The following NCOR2 variants were observed in gnomAD, a reference collection of about 807,000 sequenced individuals.
NCOR2 encodes the protein nuclear receptor corepressor 2.
A neutral mutation model predicts 262.9 loss-of-function variants in NCOR2; 81 were observed. The ratio of observed to expected loss-of-function variants is 0.31; its 90% confidence interval spans 0.26 to 0.37. The LOEUF is 0.37. Among genes scored for constraint, NCOR2 ranks in the 10% least tolerant of loss-of-function variants. The pLI is 1.00. For synonymous variants in NCOR2, 1,659 were observed against 1,559.3 expected, an observed-to-expected ratio of 1.06 and a Z score of -1.51; for missense variants, 3,385 against 3,621.4, an observed-to-expected ratio of 0.93 and a Z score of 1.68.
chr12:124,449,757 A>C, intron 7 of NCOR2, 58 bp downstream of exon 9: 1 of 1,577,274 alleles, frequency 6.3e-7, no homozygotes. Context: ...CAGGCTGCTG[A>C]GAGCCTGCTC....
exon 11 of NCOR2, chr12:124,426,795 C>T: frequency 3.8e-6 from 6 of 1,575,328 alleles, no homozygotes; most frequent in Non-Finnish European, 5.2e-6. Context: ...TCTGCTTCTC[C>T]AGGTTCTGCA....
intron 16 of NCOR2, among the ~76,000 whole-genome samples, chr12:124,386,236 C>G (rs776114757): frequency 6.6e-6 from 1 of 152,242 alleles, no homozygotes; most frequent in South Asian, 2.1e-4. Context: ...ATATCCAGAA[C>G]GCACAGCCTC....
At chr12:124,372,526 T>G (rs753708090) in exon 20 of NCOR2, 2 of 1,595,026 alleles carry the variant, frequency 1.3e-6, no homozygotes, top group Non-Finnish European at 1.7e-6. Flanking sequence ...GGCTGGGGGC[T>G]TGGGCCCATT....
chr12:124,480,990 C>T (rs1315724854), intron 3 of NCOR2, among the ~76,000 whole-genome samples: 1 of 151,200 alleles, frequency 6.6e-6, no homozygotes, highest in East Asian at 1.9e-4. Context: ...GACAGATGGC[C>T]GCAGGCAGAT....
At chr12:124,441,494 AG>A (rs2044802357) in intron 7 of NCOR2, among the ~76,000 whole-genome samples, 1 of 152,242 alleles carries the variant, frequency 6.6e-6, no homozygotes, top group African/African-American at 2.4e-5. Context: ...TAAATGTCCA[AG>A]AGAGGAGGGA....
At position 124,503,619 on chromosome 12, in the gene NCOR2, G is replaced by GATGGATGGATGGATGGGCGA. The variant is rs1027266928; in HGVS notation, c.-117-8271_-117-8252dup. ...GGATGGATGGACGGACGGACGGATG[G>GATGGATGGATGGATGGGCGA]ATGGATGGATGGATGGGCGAATGGA... On this transcript the variant is annotated intron_variant, in intron 1 of 46. Coordinates refer to the NCOR2 transcript ENST00000404621. This position sits in a 1 kb window ranked among gnomAD's most constrained non-coding sequence, Gnocchi z 4.3. Among the ~76,000 whole-genome samples the GATGGATGGATGGATGGGCGA allele has an allele frequency of 2.8e-5, 4 of 144,454 alleles. No homozygotes were observed. The highest frequency in any genetic ancestry group is 6.2e-5 in the Non-Finnish European group (4 of 64,296). 94.8% of individuals were successfully genotyped at this position (144,454 alleles called of 152,430 possible). A position where few individuals can be genotyped will look rare whatever the true frequency, so the allele number is the denominator to read the frequency against.
In NCOR2 at chr12:124,332,012, G is replaced by A. The variant is rs80037222; in HGVS notation, c.6904+307C>T. On this transcript the variant is annotated intron_variant, in intron 43 of 46. Transcript: ENST00000405201. ...CAGGTGCTGAGTGTGGGAGGCGCCCGGCCCTTGTGTGGGAGGGATCCAACC... is the reference window on the plus strand; with the variant it reads ...CAGGTGCTGAGTGTGGGAGGCGCCCAGCCCTTGTGTGGGAGGGATCCAACC... 67 of 366,222 alleles carry A rather than the reference G, an allele frequency of 1.8e-4. No individual in the cohort carries two copies. In the East Asian group the frequency reaches 3.3e-3, roughly 18 times the overall value. The allele number at this position is 366,222 out of a possible 1,614,324, so 22.7% of individuals were successfully genotyped here.
Position 124,411,668 on chromosome 12 carries a change from C to T in NCOR2, c.1482+8289G>A, listed in dbSNP as rs936287420. Among the ~76,000 whole-genome samples, 28 of 152,380 alleles carry T rather than the reference C, an allele frequency of 1.8e-4. No individual in the cohort carries two copies. The East Asian group carries it at 4.8e-3, about 26-fold the overall frequency. On this transcript the variant is annotated intron_variant, in intron 13 of 46. Transcript: ENST00000405201. ...GGTTTTGCAATTCACTAGGATAACG[C>T]GGCCCTTCCATCAATGAATCATGGA... is the stretch of plus-strand genomic sequence containing the variant.
chr12:124,357,916 T>C (rs1244078), intron 22 of NCOR2, among the ~76,000 whole-genome samples: 145,260 of 148,146 alleles, frequency 0.98, 71,231 homozygotes, highest in Non-Finnish European at 1. Flanking sequence ...TGTGTGTGCG[T>C]GCGCACGTGC....
chr12:124,479,281 T>G (rs1480218863), intron 3 of NCOR2, among the ~76,000 whole-genome samples: 3 of 140,894 alleles, frequency 2.1e-5, no homozygotes, highest in African/African-American at 8.0e-5. Context: ...CACATGCATA[T>G]ACACACATGC....
chr12:124,326,069 C>T lies in NCOR2; in HGVS notation c.7363+122G>A, dbSNP rs984560011. On this transcript the variant is annotated intron_variant, in intron 46 of 46. Transcript: ENST00000405201. ...CCCAGGCCCCTGGACAGCGTTTCCA[C>T]AGAACAGGCCCGAGTCTGAGCTCTG... The T allele has an allele frequency of 1.0e-5, 12 of 1,146,112 alleles. No individual in the cohort carries two copies. In the African/African-American group the frequency reaches 1.6e-4, roughly 16 times the overall value. The allele number at this position is 1,146,112 out of a possible 1,614,324, so 71.0% of individuals were successfully genotyped here. A position where few individuals can be genotyped will look rare whatever the true frequency, so the allele number is the denominator to read the frequency against.
In NCOR2 at chr12:124,566,225, AG is replaced by A. The variant is rs1324288566; in HGVS notation, c.-165+1082del. Among the ~76,000 whole-genome samples the A allele has an allele frequency of 6.6e-6, 1 of 152,116 alleles. No homozygotes were observed. Among genetic ancestry groups the A allele is most frequent in the Non-Finnish European group, 1.5e-5 (1 of 68,014 alleles). ...GTTCTCACCAACGGGGGAGAGGAGG[AG>A]GGGGAGGAAGGGAGGAGGCTGAGCC... On this transcript the variant is annotated intron_variant, in intron 1 of 32. Transcript: ENST00000458234. The surrounding 1 kb of genome is among the most constrained non-coding windows in gnomAD (Gnocchi z 4.3).
At position 124,523,334 on chromosome 12, in the gene NCOR2, G is replaced by A. The variant is rs1423642236; in HGVS notation, c.-118+12231C>T. Among the ~76,000 whole-genome samples the A allele has an allele frequency of 6.6e-6, 1 of 152,202 alleles. No individual in the cohort carries two copies. The highest frequency in any genetic ancestry group is 1.5e-5 in the Non-Finnish European group (1 of 68,036). The stretch of plus-strand genomic sequence containing the variant: ...AAGGACGGCTGGGGGCAGGGGGCAG[G>A]TGGCTGCCTGTTCTGGGGCTCCTGG... On this transcript the variant is annotated intron_variant, in intron 1 of 46. Transcript: ENST00000404621. This position sits in a 1 kb window ranked among gnomAD's most constrained non-coding sequence, Gnocchi z 4.0.
rs1279067716 is a variant in NCOR2, at chr12:124,340,498, T to C, written c.5339-55A>G. On this transcript the variant is annotated intron_variant, in intron 35 of 46. Transcript: ENST00000405201. The stretch of plus-strand genomic sequence containing the variant: ...CCCAGGGCCGAAGAAGAGCCTGGCT[T>C]TGTCTTCTGGGGTGGGAAAGAGAGC... 4 of 1,589,542 alleles carry C rather than the reference T, an allele frequency of 2.5e-6. No homozygotes were observed. In the East Asian group the frequency reaches 9.0e-5, roughly 36 times the overall value.
At chr12:124,495,410 G>A, upstream of NCOR2, 2 of 1,392,450 alleles carry the variant, frequency 1.4e-6, no homozygotes, top group Non-Finnish European at 1.9e-6. This position sits in a 1 kb window ranked among gnomAD's most constrained non-coding sequence, Gnocchi z 4.4. Flanking sequence ...CAGCCACGGG[G>A]CAGCTGGCTC....
rs189889826 is a variant in NCOR2, at chr12:124,462,542, C to T, written c.705+3631G>A. Among the ~76,000 whole-genome samples, 543 of 152,336 alleles carry T rather than the reference C, an allele frequency of 3.6e-3. 2 individuals carry two copies. The highest frequency in any genetic ancestry group is 9.1e-3 in the Admixed American group (139 of 15,306). On this transcript the variant is annotated intron_variant, in intron 5 of 46. Coordinates refer to ENST00000405201, the Ensembl canonical transcript of NCOR2. ...TCAGAGGACGCGTGCAGCAGCCTCG[C>T]GGGGCTGAAACGGACAATCTGAAAG...
At position 124,389,572 on chromosome 12, in the gene NCOR2, C is replaced by A. The variant is rs990130564; in HGVS notation, c.1877-3685G>T. On this transcript the variant is annotated intron_variant, in intron 16 of 46. Coordinates refer to ENST00000405201, the Ensembl canonical transcript of NCOR2. This position sits in a 1 kb window ranked among gnomAD's most constrained non-coding sequence, Gnocchi z 4.4. ...CCATCATCCCCCGCCGCCCGTCCCC[C>A]CACCCTCCGTGTCAGTTCCACCTGA... Among the ~76,000 whole-genome samples, 1 of 152,248 alleles carries A rather than the reference C, an allele frequency of 6.6e-6. No individual in the cohort carries two copies. Among genetic ancestry groups the A allele is most frequent in the Non-Finnish European group, 1.5e-5 (1 of 68,038 alleles).
intron 5 of NCOR2, among the ~76,000 whole-genome samples, chr12:124,463,145 C>T (rs921546966): frequency 1.3e-5 from 2 of 152,358 alleles, no homozygotes; most frequent in South Asian, 4.1e-4. Flanking sequence ...CCTTATGTAT[C>T]CACACATCGC....
At chr12:124,453,071 TG>T (rs1358856652) in intron 6 of NCOR2, among the ~76,000 whole-genome samples, 2 of 150,382 alleles carry the variant, frequency 1.3e-5, no homozygotes, top group African/African-American at 2.5e-5. Flanking sequence ...CAGAAGGGAG[TG>T]GGGGGAGGGA....
Sources: gnomAD v4.1 joint callset for allele counts (sites outside exome capture counted in the v4.1 genomes callset) on GRCh38, gnomAD v4.1.1 for gene constraint, Gnocchi (gnomAD v3.1) non-coding constraint, MANE v1.5 for transcripts, NCBI Gene and HGNC (gene_info 2026-07-23, HGNC 2026-07-21) for gene names.